STT3B: variants seen among roughly 807,000 people sequenced by gnomAD.
STT3B encodes the protein STT3 oligosaccharyltransferase complex catalytic subunit B, also known as dolichyl-diphosphooligosaccharide--protein glycosyltransferase subunit STT3B.
STT3B carries 29 observed loss-of-function variants against 96.8 expected under a neutral mutation model. That is an observed-to-expected ratio of 0.30 (90% CI 0.22 to 0.41). STT3B has a LOEUF of 0.41. STT3B is among the 10% of genes least tolerant of loss of function. The probability of loss-of-function intolerance (pLI) is 1.00; values close to 1 mark genes in which losing one functional copy is unlikely to be tolerated. For missense variants in STT3B, 640 were observed against 1,022.3 expected, an observed-to-expected ratio of 0.63 and a Z score of 5.10; for synonymous variants, 367 against 360.0, an observed-to-expected ratio of 1.02 and a Z score of -0.22.
intron 1 of STT3B, among the ~76,000 whole-genome samples, chr3:31,560,063 CTA>C (rs916226923): frequency 1.1e-4 from 16 of 152,010 alleles, no homozygotes; most frequent in African/African-American, 3.9e-4. Flanking sequence ...TACTTTCAGT[CTA>C]TATGTGTCTT....
At position 31,636,396 on chromosome 3, in the gene STT3B, C is replaced by A. The variant is rs1029859449; in HGVS notation, c.*332C>A. 1 of 189,048 alleles carries A rather than the reference C, an allele frequency of 5.3e-6. No homozygotes were observed. The highest frequency in any genetic ancestry group is 1.1e-5 in the Non-Finnish European group (1 of 92,998). 11.7% of individuals were successfully genotyped at this position (189,048 alleles called of 1,614,324 possible). ...TAATTTGGTCCCTGGCACATGCATA[C>A]TTGTCAATGTTTTTATTCTTTTACA... On this transcript the variant is annotated 3_prime_UTR_variant, in exon 16 of 16. Coordinates refer to ENST00000295770, the MANE Select transcript of STT3B (RefSeq NM_178862.3).
chr3:31,619,813 A>G lies in STT3B; in HGVS notation c.1310A>G (p.Asn437Ser), dbSNP rs774126425. 6.2e-7 allele frequency: 1 copy of G among 1,611,640 alleles called. No homozygotes were observed. The highest frequency in any genetic ancestry group is 8.5e-7 in the Non-Finnish European group (1 of 1,179,410). The part of the protein sequence containing the change: ...AGLWFCIKNI[N>S]DERVFVALYA... ...CTTTGGTTCTGCATCAAAAATATCA[A>G]CGATGAAAGAGTATTTGGTAAGAGA... Residue 437 changes from asparagine to serine, a missense_variant, in exon 9 of 16, where the codon AAC (asparagine) becomes AGC (serine). Around this residue, in one of 8 missense-constraint regions of STT3B, gnomAD observed 33 missense variants for 43.1 expected, o/e 0.77. Coordinates refer to ENST00000295770, the MANE Select transcript of STT3B (RefSeq NM_178862.3).
intron 1 of STT3B, among the ~76,000 whole-genome samples, chr3:31,552,163 A>G (rs1697575430): frequency 6.6e-6 from 1 of 152,254 alleles, no homozygotes; most frequent in African/African-American, 2.4e-5. Flanking sequence ...TAAGCCACTG[A>G]GTTTGTTTAA....
chr3:31,566,572 C>T (rs539415488), intron 1 of STT3B, among the ~76,000 whole-genome samples: 90 of 152,248 alleles, frequency 5.9e-4, no homozygotes, highest in African/African-American at 1.9e-3. Context: ...ATTTCTCCAC[C>T]TCAAGGCCTT....
chr3:31,571,042 A>T (rs928432026), intron 1 of STT3B, among the ~76,000 whole-genome samples: 6 of 152,318 alleles, frequency 3.9e-5, no homozygotes, highest in Admixed American at 3.9e-4. Context: ...CCCAAGGTCA[A>T]AGCCTAGTTG....
intron 1 of STT3B, among the ~76,000 whole-genome samples, chr3:31,545,481 TAACA>T (rs1319187499): frequency 1.2e-4 from 19 of 152,196 alleles, no homozygotes; most frequent in Non-Finnish European, 2.5e-4. Flanking sequence ...GAAGTATATT[TAACA>T]TACAACTTGC....
Position 31,553,345 on chromosome 3 carries a change from C to T in STT3B, c.314+20033C>T, listed in dbSNP as rs556320369. Among the ~76,000 whole-genome samples the T allele has an allele frequency of 3.3e-5, 5 of 152,164 alleles. No individual in the cohort carries two copies. In the South Asian group the frequency reaches 6.2e-4, roughly 19 times the overall value. On this transcript the variant is annotated intron_variant, in intron 1 of 15. Transcript: ENST00000295770. ...TATTTTATAAGAATGAATGTACAGC[C>T]TTATTATTTCCTCCCCCGGAAACAA...
chr3:31,609,670 C>T (rs1057107911), intron 5 of STT3B, among the ~76,000 whole-genome samples: 5 of 152,172 alleles, frequency 3.3e-5, no homozygotes, highest in African/African-American at 1.2e-4. Flanking sequence ...TCTCGGTTCA[C>T]TGCAACCTCT....
chr3:31,623,447 T>G (rs922334565), intron 10 of STT3B, among the ~76,000 whole-genome samples: 4 of 152,188 alleles, frequency 2.6e-5, no homozygotes, highest in Admixed American at 2.0e-4. Flanking sequence ...GAGATAATTA[T>G]TTTGCTCTGT....
intron 5 of STT3B, among the ~76,000 whole-genome samples, chr3:31,610,932 A>G (rs1699166799): frequency 6.6e-6 from 1 of 152,226 alleles, no homozygotes; most frequent in Non-Finnish European, 1.5e-5. Flanking sequence ...ATGATGTAAT[A>G]AATGATTTAC....
chr3:31,616,560 G>A (rs779868148), intron 6 of STT3B, among the ~76,000 whole-genome samples: 3 of 151,686 alleles, frequency 2.0e-5, no homozygotes, highest in South Asian at 2.1e-4. Context: ...AAAACAAATC[G>A]GAGAATTGTT....
intron 5 of STT3B, among the ~76,000 whole-genome samples, chr3:31,613,170 A>G (rs1276818788): frequency 6.6e-6 from 1 of 152,092 alleles, no homozygotes; most frequent in African/African-American, 2.4e-5. Flanking sequence ...TGTACTCAAT[A>G]TCCCTGAATT....
intron 5 of STT3B, among the ~76,000 whole-genome samples, chr3:31,601,898 A>G (rs1323273598): frequency 3.3e-5 from 5 of 152,208 alleles, no homozygotes; most frequent in Non-Finnish European, 5.9e-5. Context: ...AAGAGGAGAC[A>G]TAATAATTTG....
At chr3:31,591,236 C>T (rs955360481) in intron 3 of STT3B, among the ~76,000 whole-genome samples, 4 of 152,028 alleles carry the variant, frequency 2.6e-5, no homozygotes, top group African/African-American at 4.8e-5. Context: ...CTCTTTATCT[C>T]TAGGAATGTT....
intron 1 of STT3B, among the ~76,000 whole-genome samples, chr3:31,570,789 G>A (rs544245252): frequency 6.6e-6 from 1 of 152,118 alleles, no homozygotes; most frequent in Admixed American, 6.6e-5. Flanking sequence ...GCAGGGATAG[G>A]GTCAGTGGGT....
intron 1 of STT3B, among the ~76,000 whole-genome samples, chr3:31,539,724 T>G (rs1697214983): frequency 6.6e-6 from 1 of 152,152 alleles, no homozygotes; most frequent in Non-Finnish European, 1.5e-5. Context: ...ACTTTTAACC[T>G]TCAATTACTA....
chr3:31,630,311 A>G (rs1398924909), intron 14 of STT3B, among the ~76,000 whole-genome samples: 1 of 152,202 alleles, frequency 6.6e-6, no homozygotes, highest in Non-Finnish European at 1.5e-5. Context: ...GGAATCTGCA[A>G]ACAAAATTTA....
intron 13 of STT3B, among the ~76,000 whole-genome samples, chr3:31,628,815 T>C (rs1349783942): frequency 6.6e-6 from 1 of 152,166 alleles, no homozygotes; most frequent in African/African-American, 2.4e-5. Flanking sequence ...GGTACCAGTC[T>C]CTTTAAATTA....
intron 1 of STT3B, among the ~76,000 whole-genome samples, chr3:31,571,251 G>A (rs901998222): frequency 4.6e-5 from 7 of 150,808 alleles, no homozygotes; most frequent in Non-Finnish European, 8.9e-5. Context: ...GGGGGGAAAA[G>A]GGAGAAAAAG....
Sources: allele counts gnomAD v4.1 joint callset (sites outside exome capture counted in the v4.1 genomes callset), GRCh38; gene constraint gnomAD v4.1.1; regional missense constraint gnomAD v4.1.1; transcripts MANE v1.5; gene names NCBI Gene and HGNC (gene_info 2026-07-23, HGNC 2026-07-21).